The following DLGAP4 variants were observed in gnomAD, a reference collection of about 807,000 sequenced individuals.
DLGAP4 encodes the protein disks large-associated protein 4.
A neutral mutation model predicts 86.9 loss-of-function variants in DLGAP4; 18 were observed. The observed-to-expected ratio is 0.21, with a 90% CI of 0.14 to 0.31. DLGAP4 has a LOEUF of 0.31. Ranked by LOEUF, DLGAP4 falls within the 10% of genes least tolerant of loss-of-function variation. The probability of loss-of-function intolerance (pLI) is 1.00; values close to 1 mark genes in which losing one functional copy is unlikely to be tolerated. For missense variants in DLGAP4, 1,085 were observed against 1,362.6 expected, an observed-to-expected ratio of 0.80 and a Z score of 3.21; for synonymous variants, 548 against 574.3, an observed-to-expected ratio of 0.95 and a Z score of 0.65.
Position 36,527,094 on chromosome 20 carries a change from G to C in DLGAP4, c.*63G>C. 2 of 1,470,376 alleles carry C rather than the reference G, an allele frequency of 1.4e-6. No homozygotes were observed. The highest frequency in any genetic ancestry group is 1.8e-6 in the Non-Finnish European group (2 of 1,093,422). The allele number at this position is 1,470,376 out of a possible 1,614,324, so 91.1% of individuals were successfully genotyped here. ...AAAACACAAAAACTAAGTGCGAACG[G>C]AACAGAGTTTTCTCAACCTTTGCTA... On this transcript the variant is annotated 3_prime_UTR_variant, in exon 13 of 13. Transcript: ENST00000339266.
chr20:36,492,142 T>C (rs528689631), intron 7 of DLGAP4, among the ~76,000 whole-genome samples: 1 of 152,224 alleles, frequency 6.6e-6, no homozygotes, highest in African/African-American at 2.4e-5. Flanking sequence ...GGGTGAGGTA[T>C]TGGAAGAGGT....
At chr20:36,518,839 C>T (rs1317075601) in intron 10 of DLGAP4, among the ~76,000 whole-genome samples, 3 of 151,958 alleles carry the variant, frequency 2.0e-5, no homozygotes, top group Non-Finnish European at 2.9e-5. Context: ...AAAATTAGGC[C>T]GGGCGCAGTG....
intron 1 of DLGAP4, among the ~76,000 whole-genome samples, chr20:36,346,562 G>A (rs994804149): frequency 2.0e-5 from 3 of 152,214 alleles, no homozygotes; most frequent in African/African-American, 7.2e-5. Context: ...GGTTGTGCCT[G>A]GTGTGTGGTG....
chr20:36,527,362 T>G lies in DLGAP4; in HGVS notation c.*331T>G, dbSNP rs2037835305. ...TACTGCGGTCTTTTTACTCGTTCTA[T>G]CTGATGAGAACTCACACTAGCTTGT... On this transcript the variant is annotated 3_prime_UTR_variant, in exon 13 of 13. Coordinates refer to ENST00000339266, the MANE Select transcript of DLGAP4 (RefSeq NM_001365621.2). 4.8e-6 allele frequency: 1 copy of G among 210,106 alleles called. No individual in the cohort carries two copies. Among genetic ancestry groups the G allele is most frequent in the Non-Finnish European group, 9.6e-6 (1 of 103,862 alleles). The allele number at this position is 210,106 out of a possible 1,614,324, so 13.0% of individuals were successfully genotyped here.
chr20:36,461,612 C>G (rs2034056246), intron 7 of DLGAP4: 1 of 944,592 alleles, frequency 1.1e-6, no homozygotes, highest in Non-Finnish European at 1.3e-6. Flanking sequence ...CGGGGCCCGC[C>G]CAGCGCCGCC....
chr20:36,395,907 C>G (rs1422559163), intron 2 of DLGAP4, among the ~76,000 whole-genome samples: 1 of 152,124 alleles, frequency 6.6e-6, no homozygotes, highest in Non-Finnish European at 1.5e-5. Context: ...AGTTATTACT[C>G]GTCTCATTTT....
intron 1 of DLGAP4, among the ~76,000 whole-genome samples, chr20:36,327,656 A>G (rs1600401181): frequency 8.0e-6 from 1 of 125,462 alleles, no homozygotes; most frequent in South Asian, 2.5e-4. Flanking sequence ...CAGTGGCGGG[A>G]TCTCGGCTCA....
chr20:36,487,376 C>T (rs1380337900), intron 7 of DLGAP4, among the ~76,000 whole-genome samples: 1 of 152,134 alleles, frequency 6.6e-6, no homozygotes, highest in Non-Finnish European at 1.5e-5. Flanking sequence ...TGCCCATGGG[C>T]CAGTCTGGAG....
intron 2 of DLGAP4, among the ~76,000 whole-genome samples, chr20:36,391,604 G>A (rs532344643): frequency 3.7e-4 from 57 of 152,312 alleles, no homozygotes; most frequent in African/African-American, 1.3e-3. Flanking sequence ...AAGCTGGGAC[G>A]CTGGAGGCTG....
chr20:36,382,501 T>C (rs113776348), intron 2 of DLGAP4, among the ~76,000 whole-genome samples: 1 of 151,256 alleles, frequency 6.6e-6, no homozygotes, highest in Non-Finnish European at 1.5e-5. Flanking sequence ...TTTTTCTCTT[T>C]CTTTTCTTTC....
In DLGAP4 at chr20:36,473,661, G is replaced by A. The variant is rs75297393; in HGVS notation, c.1649-23044G>A. Among the ~76,000 whole-genome samples, 755 of 152,224 alleles carry A rather than the reference G, an allele frequency of 5.0e-3. 6 individuals are homozygous for A. The highest frequency in any genetic ancestry group is 0.018 in the African/African-American group (730 of 41,530). Reference sequence around the variant, plus strand: ...AGAGATTTCCCACTATGCTACCCACGTTGGTCTCAAACTCCTGGGCCCAAG... The same window carrying A: ...AGAGATTTCCCACTATGCTACCCACATTGGTCTCAAACTCCTGGGCCCAAG... On this transcript the variant is annotated intron_variant, in intron 7 of 12. Transcript: ENST00000339266.
At chr20:36,328,777 AT>A (rs540189750) in intron 1 of DLGAP4, among the ~76,000 whole-genome samples, 1,724 of 138,038 alleles carry the variant, frequency 0.012, 13 homozygotes, top group Middle Eastern at 0.026. Context: ...CACCCAGCTA[AT>A]TTTTTTTTTT....
chr20:36,390,947 A>G (rs1348203050), intron 2 of DLGAP4, among the ~76,000 whole-genome samples: 1 of 152,114 alleles, frequency 6.6e-6, no homozygotes, highest in Non-Finnish European at 1.5e-5. Context: ...CCTTGATCCA[A>G]GACTCAACTC....
chr20:36,392,041 G>A (rs1198525932), intron 2 of DLGAP4, among the ~76,000 whole-genome samples: 1 of 152,236 alleles, frequency 6.6e-6, no homozygotes, highest in Non-Finnish European at 1.5e-5. Flanking sequence ...CAGGGCCTGG[G>A]TGATAGGCAG....
intron 10 of DLGAP4, among the ~76,000 whole-genome samples, chr20:36,514,276 G>A (rs2036906927): frequency 6.6e-6 from 1 of 152,188 alleles, no homozygotes; most frequent in Non-Finnish European, 1.5e-5. Flanking sequence ...AGAAGCATGG[G>A]TAAGGTAGCC....
chr20:36,453,744 C>A (rs1043663215), intron 7 of DLGAP4, among the ~76,000 whole-genome samples: 2 of 151,272 alleles, frequency 1.3e-5, no homozygotes, highest in African/African-American at 4.9e-5. Flanking sequence ...ACCAGCCTGG[C>A]CAACATGGTG....
At position 36,423,285 on chromosome 20, in the gene DLGAP4, G is replaced by A. The variant is rs925063230; in HGVS notation, c.-72-8361G>A. Among the ~76,000 whole-genome samples, 7 of 151,314 alleles carry A rather than the reference G, an allele frequency of 4.6e-5. No individual in the cohort carries two copies. The South Asian group carries it at 8.4e-4, about 18-fold the overall frequency. On this transcript the variant is annotated intron_variant, in intron 2 of 12. Coordinates refer to ENST00000339266, the MANE Select transcript of DLGAP4 (RefSeq NM_001365621.2). ...GAGACCTGGCCAATGGTGAAACCCC[G>A]TCTCTACCAAAAGTACAAAAATTAG...
Sources: allele counts gnomAD v4.1 joint callset (sites outside exome capture counted in the v4.1 genomes callset), GRCh38; gene constraint gnomAD v4.1.1; transcripts MANE v1.5; gene names NCBI Gene and HGNC (gene_info 2026-07-23, HGNC 2026-07-21).